The following NFAT5 variants were observed in gnomAD, a reference collection of about 807,000 sequenced individuals.
The protein encoded by NFAT5 is nuclear factor of activated T-cells 5.
Under a neutral mutation model 166.5 loss-of-function variants are expected in NFAT5, and 31 were observed. The observed-to-expected ratio is 0.19, with a 90% CI of 0.14 to 0.25. NFAT5 has a LOEUF of 0.25. Ranked by LOEUF, NFAT5 falls within the 10% of genes least tolerant of loss-of-function variation. The pLI is 1.00. For synonymous variants in NFAT5, 612 were observed against 639.7 expected (o/e 0.96, Z 0.65); for missense variants, 1,449 against 1,821.8 (o/e 0.80, Z 3.72).
chr16:69,643,142 T>C (rs960580139), intron 3 of NFAT5, among the ~76,000 whole-genome samples: 1 of 143,890 alleles, frequency 6.9e-6, no homozygotes, highest in South Asian at 2.2e-4. Flanking sequence ...ACTTGAAACC[T>C]GGGAGGCAGA....
chr16:69,568,510 A>G lies in NFAT5; in HGVS notation c.89A>G (p.His30Arg), dbSNP rs1382742183. 1 of 1,612,980 alleles carries G rather than the reference A, an allele frequency of 6.2e-7. No individual in the cohort carries two copies. The highest frequency in any genetic ancestry group is 1.3e-5 in the African/African-American group (1 of 74,832). Residue 30 changes from histidine to arginine, a missense_variant, in exon 2 of 15, where the codon CAC (histidine) becomes CGC (arginine). Physicochemically the swap from His to Arg is conservative, Grantham distance 29 (BLOSUM62 0). Coordinates refer to ENST00000349945, the MANE Select transcript of NFAT5 (RefSeq NM_138713.4). ...SLYSRDSLKL[H>R]PSQNFHRAGL... ...TGTTTTTCAGATTCTCTGAAGTTACACCCATCACAGAATTTTCATAGAGCT... is the reference window on the plus strand; with the variant it reads ...TGTTTTTCAGATTCTCTGAAGTTACGCCCATCACAGAATTTTCATAGAGCT...
chr16:69,604,107 A>G (rs900931523), intron 2 of NFAT5, among the ~76,000 whole-genome samples: 4 of 152,184 alleles, frequency 2.6e-5, no homozygotes, highest in Non-Finnish European at 5.9e-5. Flanking sequence ...TATTTTACAG[A>G]GAGGAAAACA....
At chr16:69,580,012 A>C (rs2031565947) in intron 2 of NFAT5, among the ~76,000 whole-genome samples, 1 of 152,206 alleles carries the variant, frequency 6.6e-6, no homozygotes, top group Admixed American at 6.5e-5. Flanking sequence ...GTATGTACCC[A>C]GAGGAAAATT....
chr16:69,687,203 A>G (rs190672325), intron 11 of NFAT5, among the ~76,000 whole-genome samples: 1 of 152,048 alleles, frequency 6.6e-6, no homozygotes, highest in African/African-American at 2.4e-5. Flanking sequence ...GCACTTTGGG[A>G]GGCCAAGCCA....
chr16:69,677,106 T>C (rs2036861004), intron 9 of NFAT5, 97 bp from the exon 10 acceptor site: 7 of 1,216,158 alleles, frequency 5.8e-6, no homozygotes, highest in South Asian at 5.7e-5. Context: ...TTTAATCACT[T>C]TTTAAACTTT....
In NFAT5 at chr16:69,566,566, G is replaced by A. The variant is rs1163742066; in HGVS notation, c.73+192G>A. On this transcript the variant is annotated intron_variant, in intron 1 of 14. Coordinates refer to ENST00000349945, the MANE Select transcript of NFAT5 (RefSeq NM_138713.4). This position sits in a 1 kb window ranked among gnomAD's most constrained non-coding sequence, Gnocchi z 5.7. ...TGGAGGGGGCGGGCGGAGCAGTGGC[G>A]GCCCCTCCCCCGCGGAGCCGCCGGC... Among the ~76,000 whole-genome samples, 1 of 152,010 alleles carries A rather than the reference G, an allele frequency of 6.6e-6. No individual in the cohort carries two copies. Among genetic ancestry groups the A allele is most frequent in the Non-Finnish European group, 1.5e-5 (1 of 67,928 alleles).
At chr16:69,584,581 C>T (rs1226669726) in intron 2 of NFAT5, among the ~76,000 whole-genome samples, 5 of 151,812 alleles carry the variant, frequency 3.3e-5, no homozygotes, top group Non-Finnish European at 5.9e-5. Flanking sequence ...CCACCTGCCT[C>T]GGCCTCCCTC....
intron 4 of NFAT5, among the ~76,000 whole-genome samples, chr16:69,650,976 C>T (rs918142508): frequency 6.6e-6 from 1 of 152,208 alleles, no homozygotes; most frequent in African/African-American, 2.4e-5. Context: ...ACAGGGTTTA[C>T]TGCCCATTGT....
intron 9 of NFAT5, chr16:69,676,979 G>T (rs899417013): frequency 9.0e-6 from 4 of 444,840 alleles, no homozygotes; most frequent in Non-Finnish European, 1.6e-5. Context: ...AAGTTGACAG[G>T]GCAGGGATCT....
At chr16:69,606,821 T>TC (rs1567535809) in intron 2 of NFAT5, among the ~76,000 whole-genome samples, 1 of 152,086 alleles carries the variant, frequency 6.6e-6, no homozygotes, top group Non-Finnish European at 1.5e-5. Context: ...GCCATTGCAC[T>TC]CCAGCTTGGG....
intron 7 of NFAT5, 32 bp from the exon 8 acceptor site, chr16:69,669,945 T>C: frequency 6.6e-7 from 1 of 1,521,724 alleles, no homozygotes; most frequent in South Asian, 1.3e-5. Flanking sequence ...TTTTGGTGGT[T>C]CTTCTTATAG....
intron 2 of NFAT5, among the ~76,000 whole-genome samples, chr16:69,603,299 C>T (rs549147380): frequency 6.6e-6 from 1 of 152,058 alleles, no homozygotes. Context: ...CTAAAGTGTG[C>T]AAATATTAAA....
Position 69,566,060 on chromosome 16 carries a change from C to T in NFAT5, c.-242C>T. 1 of 467,462 alleles carries T rather than the reference C, an allele frequency of 2.1e-6. No individual in the cohort carries two copies. 29.0% of individuals were successfully genotyped at this position (467,462 alleles called of 1,614,324 possible). A position where few individuals can be genotyped will look rare whatever the true frequency, so the allele number is the denominator to read the frequency against. On this transcript the variant is annotated 5_prime_UTR_variant, in exon 1 of 15. Transcript: ENST00000349945. This position sits in a 1 kb window ranked among gnomAD's most constrained non-coding sequence, Gnocchi z 5.7. ...CCCTTTGGCTCTCCCCCTTCCCCTT[C>T]CCCGTCCTGAACCCCTCTCCTGGTC...
chr16:69,612,951 T>C (rs2033772396), intron 2 of NFAT5, among the ~76,000 whole-genome samples: 1 of 152,154 alleles, frequency 6.6e-6, no homozygotes, highest in African/African-American at 2.4e-5. Flanking sequence ...TAACATCAAT[T>C]GCTAGACCTC....
intron 2 of NFAT5, among the ~76,000 whole-genome samples, chr16:69,597,047 T>C (rs1427292787): frequency 6.6e-6 from 1 of 152,042 alleles, no homozygotes; most frequent in African/African-American, 2.4e-5. Flanking sequence ...AAATTAGTCA[T>C]GTAAAGATTA....
At chr16:69,608,170 G>A (rs978366376) in intron 2 of NFAT5, among the ~76,000 whole-genome samples, 2 of 150,768 alleles carry the variant, frequency 1.3e-5, no homozygotes, top group Non-Finnish European at 3.0e-5. Context: ...GGCTGGCCAA[G>A]ATGGCAAAAC....
chr16:69,663,832 G>A (rs1047262812), intron 7 of NFAT5, among the ~76,000 whole-genome samples: 6 of 152,038 alleles, frequency 3.9e-5, no homozygotes, highest in African/African-American at 1.2e-4. Context: ...AGCTATGGTG[G>A]CACCACTGCA....
At chr16:69,641,547 A>C (rs2035215719) in intron 3 of NFAT5, among the ~76,000 whole-genome samples, 1 of 152,146 alleles carries the variant, frequency 6.6e-6, no homozygotes, top group Non-Finnish European at 1.5e-5. Context: ...TTTCTGTCAT[A>C]TATTTTAAAG....
At chr16:69,648,245 C>T in intron 4 of NFAT5, 1 of 984,250 alleles carries the variant, frequency 1.0e-6, no homozygotes, top group Non-Finnish European at 1.2e-6. Flanking sequence ...CAAAACAACT[C>T]AAACAGTCAC....
Sources: gnomAD v4.1 joint callset for allele counts (sites outside exome capture counted in the v4.1 genomes callset) on GRCh38, gnomAD v4.1.1 for gene constraint, Gnocchi (gnomAD v3.1) non-coding constraint, MANE v1.5 for transcripts, NCBI Gene and HGNC (gene_info 2026-07-23, HGNC 2026-07-21) for gene names.